The following SPATS1 variants were observed in gnomAD, a reference collection of about 807,000 sequenced individuals.
The protein encoded by SPATS1 is spermatogenesis associated serine rich 1, also known as spermatogenesis-associated serine-rich protein 1.
SPATS1 carries 23 observed loss-of-function variants against 33.6 expected under a neutral mutation model. That is an observed-to-expected ratio of 0.68 (90% CI 0.49 to 0.97). The LOEUF (loss-of-function observed/expected upper bound fraction) is 0.97, where lower values mean the gene tolerates loss of function less well. Ranked by LOEUF, SPATS1 falls within the 50% of genes least tolerant of loss-of-function variation. The pLI, the probability that SPATS1 is intolerant of heterozygous loss-of-function variation, is 0.00. For missense variants in SPATS1, 327 were observed against 361.0 expected (o/e 0.91, Z 0.76); for synonymous variants, 131 against 125.6 (o/e 1.04, Z -0.29).
At position 44,358,986 on chromosome 6, in the gene SPATS1, T is replaced by C. The variant is rs186707048; in HGVS notation, c.288-1460T>C. 7.4e-4 allele frequency among the ~76,000 whole-genome samples: 112 copies of C among 152,350 alleles called. 1 individual carries two copies. The highest frequency in any genetic ancestry group is 7.8e-4 in the Non-Finnish European group (53 of 68,036). On this transcript the variant is annotated intron_variant, in intron 3 of 8. Transcript: ENST00000674044. ...TTTAAAGAAATGGGATTTCACTCTG[T>C]AGCCCAGGCTGGAGTGCAGTGGCAT...
intron 7 of SPATS1, among the ~76,000 whole-genome samples, chr6:44,372,370 T>C (rs1360907471): frequency 2.0e-5 from 3 of 152,186 alleles, no homozygotes; most frequent in Non-Finnish European, 4.4e-5. Flanking sequence ...CTTCCTGGTA[T>C]GTCTAGTAAT....
At chr6:44,348,694 A>G (rs916372932) in intron 2 of SPATS1, among the ~76,000 whole-genome samples, 12 of 152,198 alleles carry the variant, frequency 7.9e-5, no homozygotes. Context: ...CAGAGACAGT[A>G]GAGAAGCACT....
At chr6:44,348,594 CCCAGCAG>C (rs1788041968) in intron 2 of SPATS1, among the ~76,000 whole-genome samples, 1 of 152,082 alleles carries the variant, frequency 6.6e-6, no homozygotes, top group South Asian at 2.1e-4. Flanking sequence ...GGTCTGTGGG[CCCAGCAG>C]CAGGTAGGAT....
Position 44,342,891 on chromosome 6 carries a change from T to C in SPATS1, c.-1+123T>C, listed in dbSNP as rs1787647274. On this transcript the variant is annotated intron_variant, in intron 1 of 8. Transcript: ENST00000674044. ...GGGCTGCAGCGAGCCTGGTTCGGGC[T>C]GGGGGCGGACTCGCTGGGGCTCCCA... 19 of 1,285,238 alleles carry C rather than the reference T, an allele frequency of 1.5e-5. 1 individual carries two copies. The South Asian group carries it at 2.6e-4, about 18-fold the overall frequency. The allele number at this position is 1,285,238 out of a possible 1,614,324, so 79.6% of individuals were successfully genotyped here. A position where few individuals can be genotyped will look rare whatever the true frequency, so the allele number is the denominator to read the frequency against.
chr6:44,348,183 A>T (rs1256432207), intron 2 of SPATS1, among the ~76,000 whole-genome samples: 1 of 151,790 alleles, frequency 6.6e-6, no homozygotes, highest in African/African-American at 2.4e-5. Flanking sequence ...TGATTTTTGT[A>T]TTTTTGGTAG....
At chr6:44,352,953 T>G (rs1583080767) in intron 3 of SPATS1, 80 bp downstream of exon 3, 1 of 1,469,832 alleles carries the variant, frequency 6.8e-7, no homozygotes. Flanking sequence ...GGTAGCATGG[T>G]ATGCTTGGCA....
chr6:44,365,724 T>A (rs1789204377), intron 5 of SPATS1, among the ~76,000 whole-genome samples: 1 of 152,020 alleles, frequency 6.6e-6, no homozygotes, highest in African/African-American at 2.4e-5. Flanking sequence ...TGGGGCAGAG[T>A]AAGTTATTTG....
Position 44,353,994 on chromosome 6 carries a change from C to T in SPATS1, c.287+1121C>T, listed in dbSNP as rs543649855. 1.1e-4 allele frequency among the ~76,000 whole-genome samples: 17 copies of T among 148,410 alleles called. No homozygotes were observed. In the East Asian group the frequency reaches 2.6e-3, roughly 23 times the overall value. On this transcript the variant is annotated intron_variant, in intron 3 of 8. Coordinates refer to ENST00000674044, the MANE Select transcript of SPATS1 (RefSeq NM_001372081.1). Reference sequence around the variant, plus strand: ...CGGAGCTTGCAGTGAGCCGAGATCGCGCCACTGCACTCCAGCCTGGGCGAC... The same window carrying T: ...CGGAGCTTGCAGTGAGCCGAGATCGTGCCACTGCACTCCAGCCTGGGCGAC...
At position 44,377,748 on chromosome 6, in the gene SPATS1, C is replaced by T. The variant is rs991525063; in HGVS notation, c.*685C>T. 1 of 154,230 alleles carries T rather than the reference C, an allele frequency of 6.5e-6. No homozygotes were observed. The highest frequency in any genetic ancestry group is 1.4e-5 in the Non-Finnish European group (1 of 69,758). The allele number at this position is 154,230 out of a possible 1,614,324, so 9.6% of individuals were successfully genotyped here. ...CCAGCCTTCTGGCTCATAGATAGTA[C>T]CTTCTTGCTGTGTCCTCATATGATA... is the stretch of plus-strand genomic sequence containing the variant. On this transcript the variant is annotated 3_prime_UTR_variant, in exon 9 of 9. Coordinates refer to ENST00000674044, the MANE Select transcript of SPATS1 (RefSeq NM_001372081.1).
chr6:44,359,461 A>G (rs1319142811), intron 3 of SPATS1, among the ~76,000 whole-genome samples: 1 of 152,066 alleles, frequency 6.6e-6, no homozygotes, highest in Non-Finnish European at 1.5e-5. Flanking sequence ...CCTATTCTAG[A>G]TATTTCATAT....
intron 5 of SPATS1, among the ~76,000 whole-genome samples, chr6:44,367,884 TC>T (rs1789344301): frequency 2.0e-5 from 3 of 152,130 alleles, no homozygotes; most frequent in African/African-American, 7.2e-5. Flanking sequence ...CTTGCTCTTC[TC>T]CAGGAAGCCA....
intron 7 of SPATS1, among the ~76,000 whole-genome samples, chr6:44,375,870 C>T (rs1419432754): frequency 6.6e-6 from 1 of 151,956 alleles, no homozygotes; most frequent in Non-Finnish European, 1.5e-5. Context: ...CTTTGGGAGG[C>T]CGAGGCAGGT....
intron 3 of SPATS1, among the ~76,000 whole-genome samples, chr6:44,354,822 T>A (rs1788466826): frequency 6.6e-6 from 1 of 152,138 alleles, no homozygotes; most frequent in Non-Finnish European, 1.5e-5. Context: ...TCTCTATTTT[T>A]ATTTATTTAT....
rs1790019615 is a variant in SPATS1 at position 44,377,291 on chromosome 6, T to C, written c.*228T>C. The stretch of plus-strand genomic sequence containing the variant: ...TCCTTCACATAGATTCTATCATTGT[T>C]AATATTTGTTCAAACTTTCTCTCTC... On this transcript the variant is annotated 3_prime_UTR_variant, in exon 9 of 9. Coordinates refer to ENST00000674044, the MANE Select transcript of SPATS1 (RefSeq NM_001372081.1). 1 of 585,334 alleles carries C rather than the reference T, an allele frequency of 1.7e-6. No homozygotes were observed. The highest frequency in any genetic ancestry group is 3.0e-6 in the Non-Finnish European group (1 of 329,390). 36.3% of individuals were successfully genotyped at this position (585,334 alleles called of 1,614,324 possible).
chr6:44,344,206 G>C (rs1787733424), intron 2 of SPATS1, among the ~76,000 whole-genome samples: 1 of 152,150 alleles, frequency 6.6e-6, no homozygotes, highest in African/African-American at 2.4e-5. Context: ...TCCTAGGGAG[G>C]ATCCATGTTT....
intron 2 of SPATS1, among the ~76,000 whole-genome samples, chr6:44,352,301 T>C (rs1274032273): frequency 1.3e-5 from 2 of 152,078 alleles, no homozygotes. Context: ...CAGCTAGTTT[T>C]TGTTTTTTGT....
chr6:44,371,303 A>T (rs77255646), intron 7 of SPATS1, among the ~76,000 whole-genome samples: 1 of 139,188 alleles, frequency 7.2e-6, no homozygotes, highest in Non-Finnish European at 1.6e-5. Context: ...GTCTCAAATT[A>T]AAAAAAAAAA....
chr6:44,370,832 T>C (rs777670227), intron 7 of SPATS1, among the ~76,000 whole-genome samples: 1 of 152,180 alleles, frequency 6.6e-6, no homozygotes, highest in African/African-American at 2.4e-5. Context: ...TAATAAACAC[T>C]ATTCTAGAAT....
chr6:44,349,309 A>AAAAG (rs1561954448), intron 2 of SPATS1, among the ~76,000 whole-genome samples: 88 of 150,320 alleles, frequency 5.9e-4, no homozygotes, highest in Middle Eastern at 3.5e-3. Flanking sequence ...AAAAAAAAAA[A>AAAAG]AAAGAAAGAA....
Sources: gnomAD v4.1 joint callset for allele counts (sites outside exome capture counted in the v4.1 genomes callset) on GRCh38, gnomAD v4.1.1 for gene constraint, MANE v1.5 for transcripts, NCBI Gene and HGNC (gene_info 2026-07-23, HGNC 2026-07-21) for gene names.